Variants in ZBED1 observed in about 807,000 individuals in gnomAD.
ZBED1 encodes E3 SUMO-protein ligase ZBED1.
Under a neutral mutation model 49.7 loss-of-function variants are expected in ZBED1, and 19 were observed. The observed-to-expected ratio is 0.38, with a 90% CI of 0.27 to 0.56. ZBED1 has a LOEUF of 0.56. Among genes scored for constraint, ZBED1 ranks in the 20% least tolerant of loss-of-function variants. ZBED1 has a pLI of 0.70. For synonymous variants in ZBED1, 439 were observed against 440.3 expected (o/e 1.00, Z 0.04); for missense variants, 806 against 972.6 (o/e 0.83, Z 2.28).
Position 2,488,811 on chromosome X carries a change from C to A in ZBED1, c.1909G>T (p.Ala637Ser). 6.2e-7 allele frequency: 1 copy of A among 1,613,908 alleles called. No individual in the cohort carries two copies. Among genetic ancestry groups the A allele is most frequent in the South Asian group, 1.1e-5 (1 of 91,070 alleles). The change falls in exon 2 of 2, where the codon GCT becomes TCT. Residue 637 changes from alanine to serine, a missense_variant. Around this residue, in one of 2 missense-constraint regions of ZBED1, gnomAD observed 749 missense variants for 861.3 expected, o/e 0.87. Transcript: ENST00000652001. Reference protein sequence around the residue: ...NVVSAKRNRLAPAHVDEQVFL... With the variant: ...NVVSAKRNRLSPAHVDEQVFL... The stretch of plus-strand genomic sequence containing the variant: ...ACCTGCTCGTCCACGTGCGCGGGAG[C>A]CAGCCGGTTCCTCTTGGCGCTGACC...
Position 2,488,762 on chromosome X carries a change from C to A in ZBED1, c.1958G>T (p.Ser653Ile). Residue 653 changes from serine to isoleucine, a missense_variant, in exon 2 of 2, where the codon AGT becomes ATT. Ser to Ile is a moderately radical substitution (Grantham distance 142). Around this residue, in one of 2 missense-constraint regions of ZBED1, gnomAD observed 749 missense variants for 861.3 expected, o/e 0.87. Transcript: ENST00000652001. ...EQVFLYENAR[S>I]GAEAEPEDQD... ...GTCCTCGGGTTCCGCCTCTGCCCCA[C>A]TCCGGGCGTTCTCATACAGAAACAC... The A allele has an allele frequency of 1.2e-6, 2 of 1,613,960 alleles. No homozygotes were observed. Among genetic ancestry groups the A allele is most frequent in the Non-Finnish European group, 1.7e-6 (2 of 1,179,874 alleles).
intron 1 of ZBED1, among the ~76,000 whole-genome samples, chrX:2,496,175 T>A (rs2045279474): frequency 6.6e-6 from 1 of 151,426 alleles, no homozygotes; most frequent in African/African-American, 2.4e-5. Context: ...CTAAAAGAGG[T>A]TTTTATTTTT....
intron 1 of ZBED1, among the ~76,000 whole-genome samples, chrX:2,495,407 T>G (rs943862849): frequency 2.6e-5 from 4 of 152,144 alleles, no homozygotes; most frequent in Non-Finnish European, 4.4e-5. Flanking sequence ...TCTATTCTAT[T>G]ATGATGATCA....
In ZBED1 at chrX:2,489,016, C is replaced by A. The variant is rs770861922; in HGVS notation, c.1704G>T (p.Val568=). 6.2e-7 allele frequency: 1 copy of A among 1,611,974 alleles called. No homozygotes were observed. Among genetic ancestry groups the A allele is most frequent in the Non-Finnish European group, 8.5e-7 (1 of 1,178,678 alleles). ...ACTTGAAGTTGCTCAGCTCCTCCAC[C>A]ACCTGGGCATGCCACTCTTCCTGGT... is the stretch of plus-strand genomic sequence containing the variant. The part of the protein sequence containing the change: ...VEDQEEWHAQ[V]VEELSNFKSQ... Residue 568 remains valine, a synonymous_variant, in exon 2 of 2, where the codon GTG becomes GTT. Transcript: ENST00000652001.
At chrX:2,500,155 T>C (rs766939305) in intron 1 of ZBED1, among the ~76,000 whole-genome samples, 2 of 152,320 alleles carry the variant, frequency 1.3e-5, no homozygotes, top group African/African-American at 4.8e-5. Context: ...GTTGGAGATC[T>C]GTGACTCAGA....
chrX:2,498,064 T>G (rs1244909151), intron 1 of ZBED1, among the ~76,000 whole-genome samples: 1 of 152,188 alleles, frequency 6.6e-6, no homozygotes, highest in Non-Finnish European at 1.5e-5. Flanking sequence ...CTATGATTAA[T>G]TTGTAATTAT....
Position 2,489,731 on chromosome X carries a change from T to A in ZBED1, c.989A>T (p.Tyr330Phe), listed in dbSNP as rs748037236. The A allele has an allele frequency of 6.2e-7, 1 of 1,613,182 alleles. No homozygotes were observed. Among genetic ancestry groups the A allele is most frequent in the Non-Finnish European group, 8.5e-7 (1 of 1,179,858 alleles). The change falls in exon 2 of 2, where the codon TAC (tyrosine) becomes TTC (phenylalanine). Residue 330 changes from tyrosine (Y) to phenylalanine (F), a missense_variant. By Grantham distance (22) the Tyr-to-Phe change is conservative (BLOSUM62 3). This residue lies in a region of ZBED1 where 749 missense variants were observed against 861.3 expected (regional missense o/e 0.87). Coordinates refer to ENST00000652001, the MANE Select transcript of ZBED1 (RefSeq NM_001171136.2). ...CTGCTTCTGCTTCTCATAGAGCATG[T>A]ACATGGCCACGGCAGACTGCTGGAA... ...EYFQQSAVAM[Y>F]MLYEKQKQQN... is the part of the protein sequence containing the mutation.
At chrX:2,492,102 G>A (rs988325176) in intron 1 of ZBED1, among the ~76,000 whole-genome samples, 1 of 152,218 alleles carries the variant, frequency 6.6e-6, no homozygotes, top group Non-Finnish European at 1.5e-5. Flanking sequence ...TTTCAATGAT[G>A]ACTATAGTGG....
At chrX:2,500,437 C>A in intron 1 of ZBED1, 1 of 164,988 alleles carries the variant, frequency 6.1e-6, no homozygotes, top group South Asian at 1.1e-4. Context: ...GGGCGCGGGG[C>A]GTGCGAGCCC....
At position 2,490,378 on chromosome X, in the gene ZBED1, G is replaced by A. The variant is rs371626336; in HGVS notation, c.342C>T (p.Ala114=). ...GCTTCTTGCTGTCGTAGCCGTGGCC[G>A]GCCTTGACGGCCAGCGCGTCCTGCC... ...QPGQDALAVK[A]GHGYDSKKQQ... is the part of the protein sequence containing the mutation. The change falls in exon 2 of 2, where the codon GCC becomes GCT. Residue 114 remains alanine (A), a synonymous_variant. Coordinates refer to ENST00000652001, the MANE Select transcript of ZBED1 (RefSeq NM_001171136.2). 5.6e-5 allele frequency: 91 copies of A among 1,613,630 alleles called. No homozygotes were observed. Among genetic ancestry groups the A allele is most frequent in the South Asian group, 3.8e-4 (35 of 91,052 alleles).
Position 2,486,867 on chromosome X carries a change from G to C in ZBED1, c.*1768C>G, listed in dbSNP as rs1161720739. 3 of 152,236 alleles carry C rather than the reference G, an allele frequency of 2.0e-5. No individual in the cohort carries two copies. The highest frequency in any genetic ancestry group is 1.3e-4 in the Admixed American group (2 of 15,286). The allele number at this position is 152,236 out of a possible 1,614,324, so 9.4% of individuals were successfully genotyped here. A position where few individuals can be genotyped will look rare whatever the true frequency, so the allele number is the denominator to read the frequency against. On this transcript the variant is annotated 3_prime_UTR_variant, in exon 2 of 2. Coordinates refer to ENST00000652001, the MANE Select transcript of ZBED1 (RefSeq NM_001171136.2). ...GCTCAGGACGTAAGGATAACATTCTGTGCTGCTTGCAGCCCTGAGAAGTCA... is the reference window on the plus strand; with the variant it reads ...GCTCAGGACGTAAGGATAACATTCTCTGCTGCTTGCAGCCCTGAGAAGTCA...
chrX:2,490,937 G>A (rs1256215517), intron 1 of ZBED1, among the ~76,000 whole-genome samples, 165 bp from the exon 2 acceptor site: 3 of 152,320 alleles, frequency 2.0e-5, no homozygotes, highest in East Asian at 3.9e-4. Flanking sequence ...GAGTGGAGGA[G>A]GGAACCTAGC....
chrX:2,500,790 C>T, intron 1 of ZBED1, 27 bp downstream of exon 1: 1 of 1,079,464 alleles, frequency 9.3e-7, no homozygotes, highest in Non-Finnish European at 1.1e-6. Context: ...GTCCCCGGAG[C>T]CCTGACCCCT....
intron 1 of ZBED1, among the ~76,000 whole-genome samples, chrX:2,491,351 T>G (rs2045139581): frequency 6.6e-6 from 1 of 152,192 alleles, no homozygotes; most frequent in Admixed American, 6.5e-5. Flanking sequence ...ATGACAGGCG[T>G]GAGTCACCGC....
At chrX:2,497,992 G>A (rs180695731) in intron 1 of ZBED1, among the ~76,000 whole-genome samples, 46 of 152,286 alleles carry the variant, frequency 3.0e-4, no homozygotes, top group Non-Finnish European at 5.6e-4. Flanking sequence ...CACAGAGACA[G>A]ACCCTCTTAT....
Position 2,490,762 on chromosome X carries a change from G to C in ZBED1, c.-43C>G. Reference sequence around the variant, plus strand: ...CTGCCTGCTGGACGGCTGCTCATGCGTGGGGACCTGCTGAGAAGGGCCAAG... The same window carrying C: ...CTGCCTGCTGGACGGCTGCTCATGCCTGGGGACCTGCTGAGAAGGGCCAAG... On this transcript the variant is annotated 5_prime_UTR_variant, in exon 2 of 2. Transcript: ENST00000652001. 1 of 1,584,764 alleles carries C rather than the reference G, an allele frequency of 6.3e-7. No individual in the cohort carries two copies. Among genetic ancestry groups the C allele is most frequent in the Non-Finnish European group, 8.6e-7 (1 of 1,165,220 alleles).
chrX:2,495,705 A>G (rs2045267183), intron 1 of ZBED1, among the ~76,000 whole-genome samples: 1 of 151,516 alleles, frequency 6.6e-6, no homozygotes, highest in Non-Finnish European at 1.5e-5. Context: ...GGCCACGAAT[A>G]AAGGTTGCTG....
At chrX:2,496,625 C>A (rs1031847693) in intron 1 of ZBED1, among the ~76,000 whole-genome samples, 2 of 152,046 alleles carry the variant, frequency 1.3e-5, no homozygotes, top group Non-Finnish European at 2.9e-5. Flanking sequence ...TCCCCAATAA[C>A]CTATGGAAAT....
At chrX:2,495,567 T>C (rs999384392) in intron 1 of ZBED1, among the ~76,000 whole-genome samples, 1 of 151,740 alleles carries the variant, frequency 6.6e-6, no homozygotes, top group African/African-American at 2.4e-5. Context: ...GATTCCCAGG[T>C]AAAGAACCGT....
Sources: gnomAD v4.1 joint callset for allele counts (sites outside exome capture counted in the v4.1 genomes callset) on GRCh38, gnomAD v4.1.1 for gene constraint, gnomAD v4.1.1 regional missense constraint, MANE v1.5 for transcripts, NCBI Gene and HGNC (gene_info 2026-07-23, HGNC 2026-07-21) for gene names.